Variants in FXR1 observed in about 807,000 individuals in gnomAD.
FXR1 encodes RNA-binding protein FXR1.
Under a neutral mutation model 84.0 loss-of-function variants are expected in FXR1, and 15 were observed. The observed-to-expected ratio is 0.18, with a 90% confidence interval of 0.12 to 0.27. FXR1 has a LOEUF of 0.27. Among genes scored for constraint, FXR1 ranks in the 10% least tolerant of loss-of-function variants. The probability of loss-of-function intolerance (pLI) is 1.00; values close to 1 mark genes in which losing one functional copy is unlikely to be tolerated. For missense variants in FXR1, 480 were observed against 774.4 expected, an observed-to-expected ratio of 0.62 and a Z score of 4.51; for synonymous variants, 245 against 250.7, an observed-to-expected ratio of 0.98 and a Z score of 0.21.
In FXR1 at chr3:180,962,868, T is replaced by C; in HGVS notation, c.1078-15T>C. On this transcript the variant is annotated splice_polypyrimidine_tract_variant and intron_variant, in intron 11 of 16. Transcript: ENST00000357559. ...TATATATAAGAAGACTTACTCTTTT[T>C]TGTTTTGATTGTAGGAAGTAGAACA... The C allele has an allele frequency of 6.4e-7, 1 of 1,567,084 alleles. No homozygotes were observed. Among genetic ancestry groups the C allele is most frequent in the Non-Finnish European group, 8.8e-7 (1 of 1,140,242 alleles).
intron 2 of FXR1, among the ~76,000 whole-genome samples, chr3:180,933,614 C>CA (rs1204106460): frequency 6.6e-6 from 1 of 152,124 alleles, no homozygotes; most frequent in Non-Finnish European, 1.5e-5. Flanking sequence ...GGATATGAAT[C>CA]AGTTTTGCAG....
In FXR1 at chr3:180,935,235, T is replaced by C. The variant is rs770254965; in HGVS notation, c.198+4T>C. 2.0e-5 allele frequency: 25 copies of C among 1,241,320 alleles called. No individual in the cohort carries two copies. The Admixed American group carries it at 2.1e-4, about 10-fold the overall frequency. The allele number at this position is 1,241,320 out of a possible 1,614,324, so 76.9% of individuals were successfully genotyped here. ...TAGTGAAGGAGATGAAGTAGAGGTA[T>C]GTATTTTTAAGTTTATTTTCTTGTG... On this transcript the variant is annotated splice_donor_region_variant and intron_variant, in intron 3 of 16. Coordinates refer to ENST00000357559, the MANE Select transcript of FXR1 (RefSeq NM_005087.4).
intron 1 of FXR1, chr3:180,927,845 AC>A: frequency 2.5e-6 from 1 of 407,222 alleles, no homozygotes; most frequent in South Asian, 8.8e-5. Context: ...ATCCATCGAT[AC>A]CTTTTCCATC....
At chr3:180,939,973 A>G in intron 3 of FXR1, among the ~76,000 whole-genome samples, 1 of 152,194 alleles carries the variant, frequency 6.6e-6, no homozygotes. Flanking sequence ...ACAGTTTCAT[A>G]TGGTTTACAC....
At chr3:180,912,876 T>A in intron 1 of FXR1, 140 bp downstream of exon 1, 1 of 1,471,354 alleles carries the variant, frequency 6.8e-7, no homozygotes, top group Non-Finnish European at 9.4e-7. Flanking sequence ...TCCTTGCTTC[T>A]CCCCCCTCCA....
intron 1 of FXR1, among the ~76,000 whole-genome samples, chr3:180,921,541 A>T (rs1718592186): frequency 6.6e-6 from 1 of 152,054 alleles, no homozygotes; most frequent in Non-Finnish European, 1.5e-5. Context: ...AAGTTAAGAC[A>T]TTTTTTTGAT....
Position 180,979,635 on chromosome 3 carries a change from G to T in FXR1, c.*3343G>T, listed in dbSNP as rs1460812859. On this transcript the variant is annotated 3_prime_UTR_variant, in exon 17 of 17. Coordinates refer to ENST00000357559, the MANE Select transcript of FXR1 (RefSeq NM_005087.4). The stretch of plus-strand genomic sequence containing the variant: ...TCATAACCCATGTTAATCTCTGATA[G>T]TATTTGGGTTTTATTTCAGGAGCTT... The T allele has an allele frequency of 6.6e-6, 1 of 151,884 alleles. No homozygotes were observed. Among genetic ancestry groups the T allele is most frequent in the Admixed American group, 6.6e-5 (1 of 15,214 alleles). The allele number at this position is 151,884 out of a possible 1,614,324, so 9.4% of individuals were successfully genotyped here.
rs1714319461 is a variant in FXR1 at position 180,977,128 on chromosome 3, G to A, written c.*836G>A. ...GATGTGCAATATGTTTTTGTATGCA[G>A]GTAGTAAATAAACTTTGATCTTCCA... On this transcript the variant is annotated 3_prime_UTR_variant, in exon 17 of 17. Transcript: ENST00000357559. The A allele has an allele frequency of 6.6e-6, 1 of 150,408 alleles. No homozygotes were observed. The highest frequency in any genetic ancestry group is 2.5e-5 in the African/African-American group (1 of 40,628). The allele number at this position is 150,408 out of a possible 1,614,324, so 9.3% of individuals were successfully genotyped here. A position where few individuals can be genotyped will look rare whatever the true frequency, so the allele number is the denominator to read the frequency against.
intron 1 of FXR1, chr3:180,915,526 G>A: frequency 6.8e-7 from 1 of 1,474,468 alleles, no homozygotes; most frequent in Non-Finnish European, 9.2e-7. Flanking sequence ...CATGGTCACT[G>A]AGGTAATTTT....
intron 13 of FXR1, among the ~76,000 whole-genome samples, chr3:180,965,348 C>T (rs143884261): frequency 3.9e-5 from 6 of 152,230 alleles, no homozygotes; most frequent in South Asian, 2.1e-4. Context: ...TTTAAAAAAA[C>T]GACTTTGAAT....
In FXR1 at chr3:180,978,449, T is replaced by TCC. The variant is rs1297867976; in HGVS notation, c.*2160_*2161dup. ...CATTTGTTTTTTTAGAGAGCCCCAC[T>TCC]CCCCAAAGGGTAGCCATTAATTCAG... On this transcript the variant is annotated 3_prime_UTR_variant, in exon 17 of 17. Coordinates refer to ENST00000357559, the MANE Select transcript of FXR1 (RefSeq NM_005087.4). 6.6e-6 allele frequency: 1 copy of TCC among 152,042 alleles called. No individual in the cohort carries two copies. The highest frequency in any genetic ancestry group is 1.5e-5 in the Non-Finnish European group (1 of 67,962). 9.4% of individuals were successfully genotyped at this position (152,042 alleles called of 1,614,324 possible). A position where few individuals can be genotyped will look rare whatever the true frequency, so the allele number is the denominator to read the frequency against.
At chr3:180,973,928 T>A (rs1255772472) in intron 15 of FXR1, among the ~76,000 whole-genome samples, 2 of 152,208 alleles carry the variant, frequency 1.3e-5, no homozygotes, top group African/African-American at 2.4e-5. Flanking sequence ...TTTCATAGAA[T>A]TTATACTTTA....
At chr3:180,927,542 G>A (rs1171267273) in intron 1 of FXR1, 4 of 543,682 alleles carry the variant, frequency 7.4e-6, no homozygotes, top group African/African-American at 6.0e-5. Context: ...TTTCCACAAC[G>A]GCTCCTGTCA....
chr3:180,944,097 G>A (rs1367462022), intron 3 of FXR1, among the ~76,000 whole-genome samples: 1 of 150,722 alleles, frequency 6.6e-6, no homozygotes, highest in African/African-American at 2.4e-5. Flanking sequence ...TGTATTTTTA[G>A]TAGAGACAGG....
At chr3:180,968,978 A>C (rs935659792) in intron 14 of FXR1, among the ~76,000 whole-genome samples, 1 of 152,174 alleles carries the variant, frequency 6.6e-6, no homozygotes, top group Non-Finnish European at 1.5e-5. Flanking sequence ...CCACGTTAAG[A>C]AACCCGCACC....
chr3:180,916,584 T>C (rs531319592), intron 1 of FXR1, among the ~76,000 whole-genome samples: 1 of 152,224 alleles, frequency 6.6e-6, no homozygotes, highest in East Asian at 1.9e-4. Context: ...ATTTTTGTAT[T>C]TTTAGTAGAG....
intron 1 of FXR1, chr3:180,914,894 A>G (rs1187902602): frequency 1.8e-5 from 18 of 982,512 alleles, no homozygotes; most frequent in Non-Finnish European, 2.1e-5. Flanking sequence ...ATCCACTTGC[A>G]TATGCACTTT....
chr3:180,953,313 C>G (rs1009523539), intron 8 of FXR1, among the ~76,000 whole-genome samples: 3 of 152,146 alleles, frequency 2.0e-5, no homozygotes, highest in Non-Finnish European at 4.4e-5. Flanking sequence ...AAATGCATCT[C>G]TGCAAAAATA....
intron 2 of FXR1, among the ~76,000 whole-genome samples, chr3:180,934,886 C>T (rs1720344282): frequency 6.6e-6 from 1 of 152,066 alleles, no homozygotes; most frequent in Non-Finnish European, 1.5e-5. Context: ...AGAATGTGTA[C>T]TGCTGTTAGG....
Sources: gnomAD v4.1 joint callset for allele counts (sites outside exome capture counted in the v4.1 genomes callset) on GRCh38, gnomAD v4.1.1 for gene constraint, MANE v1.5 for transcripts, NCBI Gene and HGNC (gene_info 2026-07-23, HGNC 2026-07-21) for gene names.